Variants in IGF2BP3 observed in about 807,000 individuals in gnomAD.
IGF2BP3 encodes the protein insulin like growth factor 2 mRNA binding protein 3.
Under a neutral mutation model 73.8 loss-of-function variants are expected in IGF2BP3, and 9 were observed. The observed-to-expected ratio is 0.12, with a 90% CI of 0.07 to 0.21. The LOEUF (loss-of-function observed/expected upper bound fraction) is 0.21. Among genes scored for constraint, IGF2BP3 ranks in the 10% least tolerant of loss-of-function variants. The pLI, the probability that IGF2BP3 is intolerant of heterozygous loss-of-function variation, is 1.00. For missense variants in IGF2BP3, 542 were observed against 714.0 expected (o/e 0.76, Z 2.75); for synonymous variants, 258 against 256.7 (o/e 1.01, Z -0.05).
chr7:23,377,145 A>C (rs1785749299), intron 3 of IGF2BP3, among the ~76,000 whole-genome samples: 1 of 152,210 alleles, frequency 6.6e-6, no homozygotes, highest in Admixed American at 6.5e-5. Context: ...AGAACAAAAA[A>C]ATAAAACCTT....
intron 10 of IGF2BP3, among the ~76,000 whole-genome samples, chr7:23,321,354 G>A (rs374343584): frequency 3.3e-5 from 5 of 152,326 alleles, no homozygotes; most frequent in South Asian, 2.1e-4. Context: ...TGAATACTGC[G>A]CTTTTCCGAC....
At position 23,392,452 on chromosome 7, in the gene IGF2BP3, A is replaced by G. The variant is rs555653335; in HGVS notation, c.285+26324T>C. On this transcript the variant is annotated intron_variant, in intron 3 of 14. Coordinates refer to ENST00000258729, the MANE Select transcript of IGF2BP3 (RefSeq NM_006547.3). ...TATCATCATATATATATATATATAT[A>G]CACACACACACATATATATGTATAT... Among the ~76,000 whole-genome samples, 9 of 142,740 alleles carry G rather than the reference A, an allele frequency of 6.3e-5. No homozygotes were observed. In the South Asian group the frequency reaches 1.9e-3, roughly 30 times the overall value. The allele number at this position is 142,740 out of a possible 152,430, so 93.6% of individuals were successfully genotyped here. A position where few individuals can be genotyped will look rare whatever the true frequency, so the allele number is the denominator to read the frequency against.
intron 10 of IGF2BP3, among the ~76,000 whole-genome samples, chr7:23,340,006 G>A (rs894147414): frequency 5.9e-5 from 9 of 152,024 alleles, no homozygotes; most frequent in African/African-American, 1.9e-4. Context: ...GACCTTAAAG[G>A]CTTTAGACAC....
rs373785763 is a variant in IGF2BP3, at chr7:23,389,912, G to T, written c.286-28171C>A. 1.1e-4 allele frequency among the ~76,000 whole-genome samples: 16 copies of T among 151,918 alleles called. No homozygotes were observed. In the South Asian group the frequency reaches 3.3e-3, roughly 32 times the overall value. On this transcript the variant is annotated intron_variant, in intron 3 of 14. Transcript: ENST00000258729. Reference sequence around the variant, plus strand: ...CTACTTGGGAGACTGGGAGGTCAAGGCTGCAGTGAGCCGTGACTGAGCCAG... The same window carrying T: ...CTACTTGGGAGACTGGGAGGTCAAGTCTGCAGTGAGCCGTGACTGAGCCAG...
chr7:23,466,607 A>G (rs1788572512), intron 2 of IGF2BP3, among the ~76,000 whole-genome samples: 3 of 152,260 alleles, frequency 2.0e-5, no homozygotes, highest in South Asian at 2.1e-4. Flanking sequence ...GCTTTCCTAA[A>G]GAGGAACTCC....
At chr7:23,401,281 G>A (rs533355186) in intron 3 of IGF2BP3, among the ~76,000 whole-genome samples, 1 of 152,282 alleles carries the variant, frequency 6.6e-6, no homozygotes, top group African/African-American at 2.4e-5. Flanking sequence ...CAGAGGAACA[G>A]TTGCGGGCCC....
intron 2 of IGF2BP3, chr7:23,467,690 AAAAGGG>A (rs1220557096): frequency 3.3e-5 from 5 of 152,334 alleles, no homozygotes; most frequent in Non-Finnish European, 4.4e-5. Flanking sequence ...AAGAAAAAGA[AAAAGGG>A]AAAGAGCCAT....
intron 3 of IGF2BP3, among the ~76,000 whole-genome samples, chr7:23,409,004 T>C (rs940742130): frequency 2.0e-5 from 3 of 152,186 alleles, no homozygotes; most frequent in African/African-American, 7.2e-5. Context: ...GATGAAACTG[T>C]TCCACCTCAG....
At chr7:23,408,367 G>C (rs1786913187) in intron 3 of IGF2BP3, among the ~76,000 whole-genome samples, 1 of 152,080 alleles carries the variant, frequency 6.6e-6, no homozygotes, top group Admixed American at 6.6e-5. Context: ...GAACTAGTAA[G>C]TTTAGCAATG....
At chr7:23,411,971 C>CCCACTTAT (rs1296634251) in intron 3 of IGF2BP3, among the ~76,000 whole-genome samples, 8 of 150,794 alleles carry the variant, frequency 5.3e-5, no homozygotes, top group African/African-American at 9.8e-5. Flanking sequence ...TCACTACTTT[C>CCCACTTAT]CCACTTATTT....
chr7:23,412,842 C>CTTT lies in IGF2BP3; in HGVS notation c.285+5931_285+5933dup, dbSNP rs557467066. Among the ~76,000 whole-genome samples, 319 of 37,026 alleles carry CTTT rather than the reference C, an allele frequency of 8.6e-3. 73 individuals are homozygous for CTTT. The highest frequency in any genetic ancestry group is 0.04 in the East Asian group (36 of 906). 24.3% of individuals were successfully genotyped at this position (37,026 alleles called of 152,430 possible). A position where few individuals can be genotyped will look rare whatever the true frequency, so the allele number is the denominator to read the frequency against. On this transcript the variant is annotated intron_variant, in intron 3 of 14. Transcript: ENST00000258729. ...GAAATCCTTTCCTTAAGACTCTGGC[C>CTTT]TTTTTTTTTTTTTTTTTTTTTTTTT...
chr7:23,334,073 C>T (rs1244524680), intron 10 of IGF2BP3, among the ~76,000 whole-genome samples: 2 of 152,104 alleles, frequency 1.3e-5, no homozygotes, highest in African/African-American at 4.8e-5. Context: ...CTGTGGTTCA[C>T]GCCTGTACTC....
rs1193421567 is a variant in IGF2BP3, at chr7:23,310,948, G to A, written c.*1414C>T. The A allele has an allele frequency of 6.6e-6, 1 of 152,138 alleles. No homozygotes were observed. Among genetic ancestry groups the A allele is most frequent in the Non-Finnish European group, 1.5e-5 (1 of 68,024 alleles). The allele number at this position is 152,138 out of a possible 1,614,324, so 9.4% of individuals were successfully genotyped here. A position where few individuals can be genotyped will look rare whatever the true frequency, so the allele number is the denominator to read the frequency against. On this transcript the variant is annotated 3_prime_UTR_variant, in exon 15 of 15. Transcript: ENST00000258729. ...GTACGTACTGGGCTTTGCTGTCAAG[G>A]AGTGAGCAAATGAGTTCGTTATCAA...
chr7:23,341,177 T>A (rs1324749502), intron 10 of IGF2BP3, among the ~76,000 whole-genome samples: 1 of 151,850 alleles, frequency 6.6e-6, no homozygotes, highest in Non-Finnish European at 1.5e-5. Context: ...ATAACCTACC[T>A]CTTTACAAAA....
intron 10 of IGF2BP3, among the ~76,000 whole-genome samples, chr7:23,329,041 C>G (rs1214553135): frequency 6.6e-6 from 1 of 152,018 alleles, no homozygotes; most frequent in East Asian, 1.9e-4. Context: ...AACCCCGTCT[C>G]TGCTAAAAAA....
chr7:23,468,401 G>C (rs1788619867), intron 2 of IGF2BP3, 81 bp downstream of exon 2: 4 of 1,428,088 alleles, frequency 2.8e-6, no homozygotes, highest in Admixed American at 1.7e-5. Flanking sequence ...AAGCACCAGA[G>C]GACAAGAAGT....
intron 3 of IGF2BP3, among the ~76,000 whole-genome samples, chr7:23,390,722 T>A (rs2128520994): frequency 6.6e-6 from 1 of 152,228 alleles, no homozygotes; most frequent in South Asian, 2.1e-4. Flanking sequence ...ACCACAACTG[T>A]ACAGCATACA....
At chr7:23,336,366 T>C (rs547032429) in intron 10 of IGF2BP3, among the ~76,000 whole-genome samples, 58 of 151,886 alleles carry the variant, frequency 3.8e-4, no homozygotes, top group Non-Finnish European at 5.1e-4. Context: ...TCAGCAAGTA[T>C]AGATACCAGA....
At chr7:23,437,431 C>T (rs1269226937) in intron 2 of IGF2BP3, among the ~76,000 whole-genome samples, 4 of 151,768 alleles carry the variant, frequency 2.6e-5, no homozygotes, top group African/African-American at 7.3e-5. Context: ...TGCAGTGAGC[C>T]GAGATGGCAC....
Sources: allele counts gnomAD v4.1 joint callset (sites outside exome capture counted in the v4.1 genomes callset), GRCh38; gene constraint gnomAD v4.1.1; transcripts MANE v1.5; gene names NCBI Gene and HGNC (gene_info 2026-07-23, HGNC 2026-07-21).